GABRG3: variants seen among roughly 807,000 people sequenced by gnomAD.
GABRG3 encodes the protein gamma-aminobutyric acid receptor subunit gamma-3.
In GABRG3, 25 loss-of-function variants were observed where a neutral mutation model predicts 48.8. The observed-to-expected ratio is 0.51, with a 90% CI of 0.37 to 0.72. The LOEUF (loss-of-function observed/expected upper bound fraction) is 0.72. GABRG3 is among the 30% of genes least tolerant of loss of function. GABRG3 has a pLI of 0.00. For synonymous variants in GABRG3, 227 were observed against 217.6 expected, an observed-to-expected ratio of 1.04 and a Z score of -0.38; for missense variants, 394 against 577.9, an observed-to-expected ratio of 0.68 and a Z score of 3.26.
chr15:27,422,406 C>T (rs73367309), intron 5 of GABRG3: 1,946 of 150,422 alleles, frequency 0.013, 44 homozygotes, highest in African/African-American at 0.045. Flanking sequence ...GAGTGGACTG[C>T]GTATCCACCA....
At position 27,537,686 on chromosome 15, in the gene GABRG3, C is replaced by T. The variant is rs1891578522; in HGVS notation, c.*4805C>T. The T allele has an allele frequency of 6.6e-6, 1 of 151,972 alleles. No homozygotes were observed. The highest frequency in any genetic ancestry group is 2.4e-5 in the African/African-American group (1 of 41,382). The allele number at this position is 151,972 out of a possible 1,614,324, so 9.4% of individuals were successfully genotyped here. ...TCTTAATGTCTAATAGTTTTGAAGA[C>T]TAGATATTAGGGCATTTTCTTTCCT... On this transcript the variant is annotated 3_prime_UTR_variant, in exon 10 of 10. Coordinates refer to ENST00000615808, the MANE Select transcript of GABRG3 (RefSeq NM_033223.5).
intron 6 of GABRG3, among the ~76,000 whole-genome samples, chr15:27,495,753 T>C (rs1196528527): frequency 6.6e-6 from 1 of 152,262 alleles, no homozygotes; most frequent in Non-Finnish European, 1.5e-5. Context: ...TTGTAATCAC[T>C]TGTGAAAGCA....
chr15:27,065,176 T>C (rs1234929131), intron 3 of GABRG3, among the ~76,000 whole-genome samples: 1 of 152,128 alleles, frequency 6.6e-6, no homozygotes, highest in Non-Finnish European at 1.5e-5. Context: ...GCGGTCTACT[T>C]TTTACTCACC....
chr15:27,007,655 C>G (rs896520310), intron 2 of GABRG3, among the ~76,000 whole-genome samples: 21 of 152,124 alleles, frequency 1.4e-4, no homozygotes, highest in African/African-American at 4.3e-4. Context: ...ATTTGCATTT[C>G]TCTAATGACC....
chr15:27,350,175 TAA>T (rs369270213), intron 5 of GABRG3: 60 of 456,004 alleles, frequency 1.3e-4, no homozygotes, highest in African/African-American at 1.0e-3. Context: ...CGCTGACGTT[TAA>T]AAGTTTCAAG....
At chr15:27,267,176 G>A (rs1311594274) in intron 3 of GABRG3, among the ~76,000 whole-genome samples, 3 of 139,362 alleles carry the variant, frequency 2.2e-5, no homozygotes, top group Non-Finnish European at 4.5e-5. Context: ...GCGTGATCTT[G>A]GCCCGCTGCA....
chr15:27,002,924 C>T (rs556610568), intron 2 of GABRG3, among the ~76,000 whole-genome samples: 14 of 151,922 alleles, frequency 9.2e-5, no homozygotes, highest in Middle Eastern at 3.4e-3. Context: ...ACGATTGCAT[C>T]ACTGTATTCC....
chr15:27,214,830 C>T (rs568236712), intron 3 of GABRG3, among the ~76,000 whole-genome samples: 1 of 152,068 alleles, frequency 6.6e-6, no homozygotes, highest in African/African-American at 2.4e-5. Context: ...AGACTCATCT[C>T]CTTCTTTGGA....
intron 5 of GABRG3, among the ~76,000 whole-genome samples, chr15:27,453,159 G>A (rs1889159810): frequency 6.6e-6 from 1 of 152,086 alleles, no homozygotes; most frequent in Admixed American, 6.6e-5. Context: ...AGAAAATGTT[G>A]GTCAAACTGT....
intron 3 of GABRG3, among the ~76,000 whole-genome samples, chr15:27,047,721 A>G (rs1316556352): frequency 6.6e-6 from 1 of 152,252 alleles, no homozygotes; most frequent in East Asian, 1.9e-4. Context: ...GACAAGCTGA[A>G]AATGATATTG....
intron 6 of GABRG3, among the ~76,000 whole-genome samples, chr15:27,511,258 C>G (rs1199146649): frequency 2.0e-5 from 3 of 152,158 alleles, no homozygotes; most frequent in African/African-American, 7.2e-5. Context: ...TAGATGGGCC[C>G]TTCAAGAAAC....
chr15:27,267,962 G>A (rs950736283), intron 3 of GABRG3, among the ~76,000 whole-genome samples: 3 of 152,036 alleles, frequency 2.0e-5, no homozygotes, highest in African/African-American at 7.2e-5. Context: ...TAAAAAAATT[G>A]CTTCTATCCC....
chr15:27,458,978 C>T (rs1428166518), intron 5 of GABRG3, among the ~76,000 whole-genome samples: 2 of 152,328 alleles, frequency 1.3e-5, no homozygotes, highest in African/African-American at 4.8e-5. Context: ...CCATCCTCTG[C>T]AGGCATCATT....
At chr15:27,454,853 A>AC (rs1423233452) in intron 5 of GABRG3, among the ~76,000 whole-genome samples, 1 of 152,140 alleles carries the variant, frequency 6.6e-6, no homozygotes, top group African/African-American at 2.4e-5. Context: ...GCAAGCAGTA[A>AC]CCCCCGCAGG....
chr15:27,288,717 G>GAAA (rs35366869), intron 3 of GABRG3, among the ~76,000 whole-genome samples: 2 of 84,912 alleles, frequency 2.4e-5, no homozygotes, highest in African/African-American at 6.2e-5. Context: ...CCGTCTCACA[G>GAAA]AAAAAAAAAA....
intron 2 of GABRG3, among the ~76,000 whole-genome samples, chr15:26,986,730 T>C (rs1457764196): frequency 6.6e-6 from 1 of 152,226 alleles, no homozygotes; most frequent in Admixed American, 6.5e-5. Flanking sequence ...TGTCCTGAGG[T>C]ATAATCTAGT....
At chr15:27,406,848 G>T (rs773183088) in intron 5 of GABRG3, among the ~76,000 whole-genome samples, 5 of 152,172 alleles carry the variant, frequency 3.3e-5, no homozygotes, top group African/African-American at 4.8e-5. Context: ...AGGGTCAAAC[G>T]TAGATGGGAA....
At chr15:27,305,663 A>T (rs1595657144) in intron 3 of GABRG3, among the ~76,000 whole-genome samples, 2 of 120,872 alleles carry the variant, frequency 1.7e-5, no homozygotes, top group Non-Finnish European at 3.4e-5. Context: ...AACATATATA[A>T]TATAAACCTA....
intron 3 of GABRG3, among the ~76,000 whole-genome samples, chr15:27,249,730 G>C (rs1017704155): frequency 3.9e-5 from 6 of 152,170 alleles, no homozygotes; most frequent in Non-Finnish European, 5.9e-5. Flanking sequence ...ATCACCTTAT[G>C]AAAATCATTC....
Sources: gnomAD v4.1 joint callset for allele counts (sites outside exome capture counted in the v4.1 genomes callset) on GRCh38, gnomAD v4.1.1 for gene constraint, MANE v1.5 for transcripts, NCBI Gene and HGNC (gene_info 2026-07-23, HGNC 2026-07-21) for gene names.